The following PCLO variants were observed in gnomAD, a reference collection of about 807,000 sequenced individuals.
PCLO encodes piccolo presynaptic cytomatrix protein.
PCLO carries 82 observed loss-of-function variants against 427.5 expected under a neutral mutation model. The ratio of observed to expected loss-of-function variants is 0.19; its 90% confidence interval spans 0.16 to 0.23. The LOEUF (loss-of-function observed/expected upper bound fraction) is 0.23, where lower values mean the gene tolerates loss of function less well. Among genes scored for constraint, PCLO ranks in the 10% least tolerant of loss-of-function variants. PCLO has a pLI of 1.00. For missense variants in PCLO, 6,239 were observed against 6,115.9 expected, an observed-to-expected ratio of 1.02 and a Z score of -0.67; for synonymous variants, 2,357 against 2,155.4, an observed-to-expected ratio of 1.09 and a Z score of -2.59.
At chr7:82,800,889 AT>A (rs986411360) in intron 22 of PCLO, among the ~76,000 whole-genome samples, 50 of 152,084 alleles carry the variant, frequency 3.3e-4, no homozygotes, top group African/African-American at 1.2e-3. Flanking sequence ...CCAGCCAGGG[AT>A]ACTAGATTTT....
chr7:82,847,045 T>C, intron 11 of PCLO, 94 bp downstream of exon 11: 1 of 641,890 alleles, frequency 1.6e-6, no homozygotes, highest in Non-Finnish European at 2.7e-6. Context: ...CCAGAAAATC[T>C]TGCTAACTGG....
intron 20 of PCLO, among the ~76,000 whole-genome samples, chr7:82,808,223 A>C (rs945432185): frequency 6.6e-6 from 1 of 151,940 alleles, no homozygotes; most frequent in Non-Finnish European, 1.5e-5. Flanking sequence ...TTTCAAAGAT[A>C]AACCTTAATT....
At chr7:82,983,564 C>A (rs1019682073) in intron 3 of PCLO, among the ~76,000 whole-genome samples, 1 of 149,842 alleles carries the variant, frequency 6.7e-6, no homozygotes, top group East Asian at 1.9e-4. Context: ...TATTACAGAT[C>A]TAGCTAAAAT....
intron 10 of PCLO, among the ~76,000 whole-genome samples, chr7:82,866,655 T>TACACACACACAC (rs71096605): frequency 4.9e-5 from 7 of 143,108 alleles, no homozygotes; most frequent in Non-Finnish European, 7.6e-5. Context: ...TGAAATTTTA[T>TACACACACACAC]ACACACACAC....
intron 3 of PCLO, among the ~76,000 whole-genome samples, chr7:83,053,735 C>A (rs1789309513): frequency 6.6e-6 from 1 of 151,766 alleles, no homozygotes; most frequent in Admixed American, 6.6e-5. Flanking sequence ...CAATAACTCT[C>A]TTCTTTTCAA....
At chr7:82,826,128 A>T (rs1002059570) in intron 18 of PCLO, among the ~76,000 whole-genome samples, 11 of 151,632 alleles carry the variant, frequency 7.3e-5, no homozygotes, top group Non-Finnish European at 1.6e-4. Context: ...TAATGTAAAA[A>T]TTGTTTTTAT....
At chr7:83,069,132 A>G (rs963022630) in intron 3 of PCLO, among the ~76,000 whole-genome samples, 9 of 152,204 alleles carry the variant, frequency 5.9e-5, no homozygotes, top group African/African-American at 2.2e-4. Context: ...CTGGAGAACT[A>G]ATGCATATTA....
intron 6 of PCLO, among the ~76,000 whole-genome samples, chr7:82,917,959 A>C (rs1005037478): frequency 6.6e-6 from 1 of 151,860 alleles, no homozygotes; most frequent in Non-Finnish European, 1.5e-5. Context: ...TTCCTTAATA[A>C]TTTTTATTTG....
intron 20 of PCLO, among the ~76,000 whole-genome samples, chr7:82,814,482 A>G (rs1584002781): frequency 6.6e-6 from 1 of 150,844 alleles, no homozygotes; most frequent in Non-Finnish European, 1.5e-5. Flanking sequence ...ACTTCAACAT[A>G]ATTTAATTTA....
intron 3 of PCLO, among the ~76,000 whole-genome samples, chr7:83,084,981 T>A (rs1047590493): frequency 2.0e-5 from 3 of 152,154 alleles, no homozygotes; most frequent in African/African-American, 7.2e-5. Flanking sequence ...TATAATTTCT[T>A]TATAATATAC....
At position 82,805,794 on chromosome 7, in the gene PCLO, C is replaced by G. The variant is rs558167699; in HGVS notation, c.14827G>C (p.Val4943Leu). The change falls in exon 21 of 25, where the codon GTG becomes CTG. Residue 4943 changes from valine (V) to leucine (L), a missense_variant. By Grantham distance (32) the Val-to-Leu change is conservative. Around this residue, in one of 5 missense-constraint regions of PCLO, gnomAD observed 877 missense variants for 925.5 expected, o/e 0.95. Transcript: ENST00000333891. ...PPNHRPAESSVSTGSSGSSFG... is the reference protein window; with the variant it reads ...PPNHRPAESSLSTGSSGSSFG... ...CTGCTGCCCGAGGAGCCGGTGGACA[C>G]AGAGCTTTCTGCAGGCCGGTGATTG... The G allele has an allele frequency of 6.8e-6, 11 of 1,607,884 alleles. No homozygotes were observed. The South Asian group carries it at 1.1e-4, about 16-fold the overall frequency.
intron 3 of PCLO, among the ~76,000 whole-genome samples, chr7:83,110,615 C>A (rs996755055): frequency 1.3e-5 from 2 of 152,038 alleles, no homozygotes; most frequent in Non-Finnish European, 1.5e-5. Flanking sequence ...TGATAACATC[C>A]AAAATAAAAG....
At position 82,949,294 on chromosome 7, in the gene PCLO, T is replaced by C. The variant is rs1432167632; in HGVS notation, c.11112+182A>G. Among the ~76,000 whole-genome samples the C allele has an allele frequency of 3.0e-4, 46 of 151,230 alleles. 2 individuals carry two copies. The South Asian group carries it at 8.5e-3, about 28-fold the overall frequency. ...ACACACAAGCGCACACACACACGTG[T>C]GCACACACACACGCACACACACATA... On this transcript the variant is annotated intron_variant, in intron 6 of 24. Coordinates refer to ENST00000333891, the MANE Select transcript of PCLO (RefSeq NM_033026.6).
In PCLO at chr7:82,826,590, T is replaced by C; in HGVS notation, c.14414A>G (p.Glu4805Gly). Residue 4805 changes from glutamate to glycine, a missense_variant and splice_region_variant, in exon 18 of 25, where the codon GAG becomes GGG. Glu to Gly is a moderately conservative substitution (Grantham distance 98). Around this residue, in one of 5 missense-constraint regions of PCLO, gnomAD observed 877 missense variants for 925.5 expected, o/e 0.95. Transcript: ENST00000333891. Reference protein sequence around the residue: ...DRFSSNDFLGEVLIDLSSTSH... With the variant: ...DRFSSNDFLGGVLIDLSSTSH... Reference sequence around the variant, plus strand: ...AGGGAAAGGAAGTCAGAGGCTTACCTCCCCAAGGAAGTCGTTGGATGAAAA... The same window carrying C: ...AGGGAAAGGAAGTCAGAGGCTTACCCCCCCAAGGAAGTCGTTGGATGAAAA... The C allele has an allele frequency of 6.3e-7, 1 of 1,596,366 alleles. No individual in the cohort carries two copies. Among genetic ancestry groups the C allele is most frequent in the South Asian group, 1.1e-5 (1 of 89,392 alleles).
In PCLO at chr7:83,154,774, A is replaced by C; in HGVS notation, c.1867T>G (p.Phe623Val). The C allele has an allele frequency of 1.2e-6, 2 of 1,613,982 alleles. No individual in the cohort carries two copies. Among genetic ancestry groups the C allele is most frequent in the Non-Finnish European group, 1.7e-6 (2 of 1,179,844 alleles). ...CQTTVCSLCG[F>V]NPNPHLTEVK... ...TCCGTTAAATGAGGATTGGGATTAA[A>C]ACCACAGAGACTACAGACAGTGGTT... The change falls in exon 2 of 25, where the codon TTT becomes GTT. Residue 623 changes from phenylalanine to valine, a missense_variant. Transcript: ENST00000333891.
At chr7:83,076,409 C>A (rs1362061916) in intron 3 of PCLO, among the ~76,000 whole-genome samples, 1 of 151,650 alleles carries the variant, frequency 6.6e-6, no homozygotes, top group Non-Finnish European at 1.5e-5. Flanking sequence ...ATTACAGGTG[C>A]CTGCCACCAC....
At chr7:82,902,290 A>G (rs1212018893) in intron 9 of PCLO, among the ~76,000 whole-genome samples, 2 of 151,708 alleles carry the variant, frequency 1.3e-5, no homozygotes, top group African/African-American at 2.4e-5. Context: ...CATGGATGAA[A>G]TTGGAAATCA....
rs778838697 is a variant in PCLO, at chr7:82,949,813, C to T, written c.10775G>A (p.Arg3592His). 6.8e-6 allele frequency: 11 copies of T among 1,613,516 alleles called. No homozygotes were observed. Among genetic ancestry groups the T allele is most frequent in the African/African-American group, 2.7e-5 (2 of 74,784 alleles). Residue 3592 changes from arginine to histidine, a missense_variant, in exon 6 of 25, where the codon CGC becomes CAC. Around this residue, in one of 5 missense-constraint regions of PCLO, gnomAD observed 4,677 missense variants for 4,468.4 expected, o/e 1.05. Transcript: ENST00000333891. ...SATSPPKDKK[R>H]PTPLEIGYSS... ...ATAACCAATCTCTAAAGGTGTTGGGCGTTTCTTGTCTTTGGGTGGAGATGT... is the reference window on the plus strand; with the variant it reads ...ATAACCAATCTCTAAAGGTGTTGGGTGTTTCTTGTCTTTGGGTGGAGATGT...
In PCLO at chr7:82,916,794, T is replaced by C; in HGVS notation, c.11192A>G (p.Glu3731Gly). ...TGTGGATTGAGTTCCTGTGGAAATC[T>C]CCTCAGGAGGTGGATTTGGCAGAGT... ...KRTLPNPPPEEISTGTQSTFS... is the reference protein window; with the variant it reads ...KRTLPNPPPEGISTGTQSTFS... Residue 3731 changes from glutamate to glycine, a missense_variant, in exon 7 of 25, where the codon GAG (glutamate) becomes GGG (glycine). Physicochemically the swap from Glu to Gly is moderately conservative, Grantham distance 98. Coordinates refer to ENST00000333891, the MANE Select transcript of PCLO (RefSeq NM_033026.6). 6.2e-7 allele frequency: 1 copy of C among 1,613,588 alleles called. No individual in the cohort carries two copies. The highest frequency in any genetic ancestry group is 8.5e-7 in the Non-Finnish European group (1 of 1,179,612).
Sources: gnomAD v4.1 joint callset for allele counts (sites outside exome capture counted in the v4.1 genomes callset) on GRCh38, gnomAD v4.1.1 for gene constraint, gnomAD v4.1.1 regional missense constraint, MANE v1.5 for transcripts, NCBI Gene and HGNC (gene_info 2026-07-23, HGNC 2026-07-21) for gene names.